Variants in RUNDC3B observed in about 807,000 individuals in gnomAD.
RUNDC3B encodes RUN domain containing 3B.
A neutral mutation model predicts 58.4 loss-of-function variants in RUNDC3B; 33 were observed. The ratio of observed to expected loss-of-function variants is 0.56; its 90% CI spans 0.43 to 0.75. The LOEUF is 0.75. Among genes scored for constraint, RUNDC3B ranks in the 30% least tolerant of loss-of-function variants. RUNDC3B has a pLI of 0.00. For missense variants in RUNDC3B, 501 were observed against 535.7 expected, an observed-to-expected ratio of 0.94 and a Z score of 0.64; for synonymous variants, 193 against 195.2, an observed-to-expected ratio of 0.99 and a Z score of 0.10.
intron 2 of RUNDC3B, among the ~76,000 whole-genome samples, chr7:87,687,859 A>G (rs1827621514): frequency 6.6e-6 from 1 of 152,210 alleles, no homozygotes. Flanking sequence ...CATCTTTTGA[A>G]GTACAGTGTA....
At chr7:87,746,079 G>C (rs750794872) in intron 6 of RUNDC3B, among the ~76,000 whole-genome samples, 1 of 152,134 alleles carries the variant, frequency 6.6e-6, no homozygotes, top group African/African-American at 2.4e-5. Flanking sequence ...TAAGGAGCAG[G>C]TTATTTAATT....
chr7:87,728,309 G>A (rs1395963529), intron 4 of RUNDC3B, among the ~76,000 whole-genome samples: 1 of 152,096 alleles, frequency 6.6e-6, no homozygotes, highest in Non-Finnish European at 1.5e-5. Flanking sequence ...TCTCTGAATA[G>A]GCTGTACATC....
intron 2 of RUNDC3B, among the ~76,000 whole-genome samples, chr7:87,698,294 G>T (rs1828684082): frequency 6.6e-6 from 1 of 152,022 alleles, no homozygotes; most frequent in Non-Finnish European, 1.5e-5. Context: ...TAGAGAGGGG[G>T]TTTCACCGTG....
intron 10 of RUNDC3B, among the ~76,000 whole-genome samples, chr7:87,822,414 A>C (rs1837520826): frequency 6.6e-6 from 1 of 152,194 alleles, no homozygotes; most frequent in African/African-American, 2.4e-5. Context: ...ATGTGGAAAA[A>C]TAGGAACACT....
chr7:87,818,240 TGAC>T, intron 10 of RUNDC3B, among the ~76,000 whole-genome samples: 1 of 152,266 alleles, frequency 6.6e-6, no homozygotes, highest in African/African-American at 2.4e-5. Flanking sequence ...ATGAGCATTT[TGAC>T]ACTATAAAAA....
chr7:87,702,321 C>T (rs1002664850), intron 3 of RUNDC3B, among the ~76,000 whole-genome samples: 5 of 150,488 alleles, frequency 3.3e-5, no homozygotes, highest in Non-Finnish European at 5.9e-5. Flanking sequence ...CTCTGTTGCC[C>T]AGGTTGGAGT....
intron 9 of RUNDC3B, among the ~76,000 whole-genome samples, chr7:87,811,339 A>T (rs1341657981): frequency 2.1e-5 from 3 of 143,972 alleles, no homozygotes; most frequent in African/African-American, 5.1e-5. Context: ...TAGGCTTTTA[A>T]TTTTTTTTTT....
At chr7:87,713,736 T>C (rs769247049) in intron 4 of RUNDC3B, among the ~76,000 whole-genome samples, 4 of 152,020 alleles carry the variant, frequency 2.6e-5, no homozygotes, top group Non-Finnish European at 4.4e-5. Context: ...TGAATTAATT[T>C]GTTCAAATTT....
At chr7:87,715,430 A>AATTATATTAATATAATATATAATTAT (rs1830496055) in intron 4 of RUNDC3B, among the ~76,000 whole-genome samples, 1 of 129,690 alleles carries the variant, frequency 7.7e-6, no homozygotes, top group Non-Finnish European at 1.6e-5. Flanking sequence ...TTTAATATAT[A>AATTATATTAATATAATATATAATTAT]ATTATATTAA....
At chr7:87,743,489 AT>A (rs1478137947) in intron 6 of RUNDC3B, among the ~76,000 whole-genome samples, 1 of 151,632 alleles carries the variant, frequency 6.6e-6, no homozygotes, top group Non-Finnish European at 1.5e-5. Flanking sequence ...CTGTTTTTTG[AT>A]TTTTTTTATT....
In RUNDC3B at chr7:87,831,804, T is replaced by C. The variant is rs1287777293; in HGVS notation, c.*1774T>C. 1 of 151,948 alleles carries C rather than the reference T, an allele frequency of 6.6e-6. No homozygotes were observed. The highest frequency in any genetic ancestry group is 1.5e-5 in the Non-Finnish European group (1 of 67,890). The allele number at this position is 151,948 out of a possible 1,614,324, so 9.4% of individuals were successfully genotyped here. On this transcript the variant is annotated 3_prime_UTR_variant, in exon 11 of 11. Transcript: ENST00000394654. ...ACTATTGCTGCTTTCCTATGAACTA[T>C]CAGAATGTTTAAATGCTTTATCATT...
intron 2 of RUNDC3B, among the ~76,000 whole-genome samples, chr7:87,670,673 C>T (rs1456726271): frequency 6.6e-6 from 1 of 152,134 alleles, no homozygotes; most frequent in African/African-American, 2.4e-5. Flanking sequence ...TTTCACCAGG[C>T]CAAGGCTTTG....
chr7:87,707,224 ATGAC>A (rs1016336532), intron 3 of RUNDC3B, among the ~76,000 whole-genome samples: 23 of 152,182 alleles, frequency 1.5e-4, no homozygotes, highest in African/African-American at 5.3e-4. Flanking sequence ...ACAAGATTGA[ATGAC>A]TGAAATCAAG....
At position 87,831,589 on chromosome 7, in the gene RUNDC3B, A is replaced by G. The variant is rs1018062038; in HGVS notation, c.*1559A>G. The G allele has an allele frequency of 2.6e-5, 4 of 151,928 alleles. No homozygotes were observed. Among genetic ancestry groups the G allele is most frequent in the Non-Finnish European group, 5.9e-5 (4 of 67,872 alleles). 9.4% of individuals were successfully genotyped at this position (151,928 alleles called of 1,614,324 possible). On this transcript the variant is annotated 3_prime_UTR_variant, in exon 11 of 11. Transcript: ENST00000394654. Reference sequence around the variant, plus strand: ...ACTTGTAGAAATGCAAATATTCTTGAGAAATGATACATTTTTTGTTCTCAA... The same window carrying G: ...ACTTGTAGAAATGCAAATATTCTTGGGAAATGATACATTTTTTGTTCTCAA...
intron 7 of RUNDC3B, among the ~76,000 whole-genome samples, chr7:87,771,643 A>G (rs943713870): frequency 1.3e-5 from 2 of 152,186 alleles, no homozygotes; most frequent in Non-Finnish European, 2.9e-5. Flanking sequence ...CACAAGAAGA[A>G]TATGTGCATA....
At chr7:87,707,545 G>A (rs767052032) in intron 3 of RUNDC3B, among the ~76,000 whole-genome samples, 37 of 151,986 alleles carry the variant, frequency 2.4e-4, no homozygotes, top group Non-Finnish European at 3.7e-4. Context: ...GTGGTGGCAC[G>A]CACCTGTAGC....
chr7:87,745,680 G>T (rs1406817399), intron 6 of RUNDC3B, among the ~76,000 whole-genome samples: 1 of 151,736 alleles, frequency 6.6e-6, no homozygotes, highest in Non-Finnish European at 1.5e-5. Context: ...TCTTAGTGAG[G>T]TTATTTTCTA....
intron 4 of RUNDC3B, among the ~76,000 whole-genome samples, chr7:87,729,466 A>T (rs1831450451): frequency 6.6e-6 from 1 of 152,196 alleles, no homozygotes; most frequent in Non-Finnish European, 1.5e-5. Context: ...GTTGGAACTC[A>T]GTACTGCCCT....
rs533948456 is a variant in RUNDC3B at position 87,752,706 on chromosome 7, G to A, written c.629+11127G>A. ...CTCTGATGGTAGTTTGTATTTCTGT[G>A]GGATTGGTAGTGATATCCCCTTTAT... On this transcript the variant is annotated intron_variant, in intron 6 of 10. Coordinates refer to ENST00000394654, the MANE Select transcript of RUNDC3B (RefSeq NM_001134405.2). Among the ~76,000 whole-genome samples, 5 of 152,262 alleles carry A rather than the reference G, an allele frequency of 3.3e-5. No individual in the cohort carries two copies. The South Asian group carries it at 1.0e-3, about 32-fold the overall frequency.
Sources: gnomAD v4.1 joint callset for allele counts (sites outside exome capture counted in the v4.1 genomes callset) on GRCh38, gnomAD v4.1.1 for gene constraint, MANE v1.5 for transcripts, NCBI Gene and HGNC (gene_info 2026-07-23, HGNC 2026-07-21) for gene names.